The following FER1L6 variants were observed in gnomAD, a reference collection of about 807,000 sequenced individuals.
FER1L6 encodes fer-1 like family member 6.
Under a neutral mutation model 219.2 loss-of-function variants are expected in FER1L6, and 177 were observed. The observed-to-expected ratio is 0.81, with a 90% CI of 0.71 to 0.91. The LOEUF (loss-of-function observed/expected upper bound fraction) is 0.91. Ranked by LOEUF, FER1L6 falls within the 40% of genes least tolerant of loss-of-function variation. The pLI is 0.00. For missense variants in FER1L6, 2,153 were observed against 2,259.9 expected (o/e 0.95, Z 0.96); for synonymous variants, 768 against 824.3 (o/e 0.93, Z 1.17).
chr8:124,092,421 T>C (rs192280492), intron 34 of FER1L6, among the ~76,000 whole-genome samples: 72 of 152,276 alleles, frequency 4.7e-4, no homozygotes, highest in Admixed American at 1.8e-3. Flanking sequence ...GCATAAATAA[T>C]TGAACATAAC....
chr8:123,956,320 C>A (rs1464605585), intron 2 of FER1L6, among the ~76,000 whole-genome samples: 1 of 152,250 alleles, frequency 6.6e-6, no homozygotes. Flanking sequence ...CAGCAGGGTT[C>A]AAACTCTGTT....
intron 39 of FER1L6, among the ~76,000 whole-genome samples, chr8:124,117,988 C>A (rs1823319834): frequency 6.6e-6 from 1 of 152,174 alleles, no homozygotes; most frequent in South Asian, 2.1e-4. Flanking sequence ...TCCCTCCTAT[C>A]ACCTTGAATT....
chr8:124,114,206 A>G (rs1230741268), intron 39 of FER1L6, among the ~76,000 whole-genome samples: 1 of 152,108 alleles, frequency 6.6e-6, no homozygotes, highest in Non-Finnish European at 1.5e-5. Flanking sequence ...TTGGAAATAA[A>G]TCAGTCACCC....
chr8:124,062,801 G>T (rs1820647220), intron 25 of FER1L6, among the ~76,000 whole-genome samples: 1 of 152,038 alleles, frequency 6.6e-6, no homozygotes, highest in African/African-American at 2.4e-5. Context: ...AGATGACTAG[G>T]TCCCAGTAAA....
chr8:123,996,521 A>G (rs1249397735), intron 12 of FER1L6, among the ~76,000 whole-genome samples: 1 of 152,038 alleles, frequency 6.6e-6, no homozygotes, highest in African/African-American at 2.4e-5. Flanking sequence ...ATGTGTATTT[A>G]TAAGTGAAGT....
chr8:124,029,569 T>C (rs2130677264), intron 18 of FER1L6, among the ~76,000 whole-genome samples: 1 of 152,352 alleles, frequency 6.6e-6, no homozygotes, highest in South Asian at 2.1e-4. Context: ...ATGTCTTCTT[T>C]TGAGAAGTGT....
At chr8:123,930,273 A>G (rs1332201849) in intron 1 of FER1L6, among the ~76,000 whole-genome samples, 2 of 152,212 alleles carry the variant, frequency 1.3e-5, no homozygotes, top group African/African-American at 4.8e-5. Flanking sequence ...AAGATACAGA[A>G]TAGCTCCATT....
At chr8:123,953,554 C>A (rs780665021) in intron 1 of FER1L6, among the ~76,000 whole-genome samples, 1 of 152,174 alleles carries the variant, frequency 6.6e-6, no homozygotes, top group African/African-American at 2.4e-5. Flanking sequence ...CCCATGACAG[C>A]GTCTTCAGCC....
Position 123,958,337 on chromosome 8 carries a change from G to A in FER1L6, c.76+2263G>A, listed in dbSNP as rs78613291. 8.6e-3 allele frequency among the ~76,000 whole-genome samples: 1,308 copies of A among 152,294 alleles called. 15 individuals are homozygous for A. The highest frequency in any genetic ancestry group is 0.028 in the African/African-American group (1,155 of 41,568). ...GCATGGCCGAGGTCTCTTACCCTCT[G>A]CCTTTGGGCTGGCTCTGGCCAATGG... On this transcript the variant is annotated intron_variant, in intron 2 of 40. Coordinates refer to ENST00000522917, the MANE Select transcript of FER1L6 (RefSeq NM_001039112.2).
At chr8:123,898,780 CGT>C (rs1563677558) in intron 1 of FER1L6, among the ~76,000 whole-genome samples, 4 of 98,314 alleles carry the variant, frequency 4.1e-5, no homozygotes, top group African/African-American at 1.1e-4. Context: ...TGTATATATA[CGT>C]ATGTACATAT....
At chr8:124,048,851 G>T (rs1320090823) in intron 21 of FER1L6, among the ~76,000 whole-genome samples, 1 of 152,226 alleles carries the variant, frequency 6.6e-6, no homozygotes. Context: ...CAAAGCTCGT[G>T]CTCCCAACCA....
intron 12 of FER1L6, among the ~76,000 whole-genome samples, chr8:123,987,089 G>A (rs1816621039): frequency 6.6e-6 from 1 of 152,174 alleles, no homozygotes; most frequent in Non-Finnish European, 1.5e-5. Context: ...CTGAGGAACT[G>A]TCAAACTGTT....
At chr8:123,929,741 G>A (rs1285560540) in intron 1 of FER1L6, among the ~76,000 whole-genome samples, 1 of 152,174 alleles carries the variant, frequency 6.6e-6, no homozygotes, top group Admixed American at 6.5e-5. Flanking sequence ...TGAGGGGTCA[G>A]TACTACCAAA....
At chr8:124,092,273 T>A (rs1822068995) in intron 34 of FER1L6, among the ~76,000 whole-genome samples, 2 of 152,176 alleles carry the variant, frequency 1.3e-5, no homozygotes, top group African/African-American at 2.4e-5. Flanking sequence ...ATTGTATTCT[T>A]TTTTTTGTAG....
chr8:123,980,709 T>C lies in FER1L6; in HGVS notation c.1308T>C (p.Gly436=). The change falls in exon 11 of 41, where the codon GGT becomes GGC. Residue 436 remains glycine, a synonymous_variant. Coordinates refer to ENST00000522917, the MANE Select transcript of FER1L6 (RefSeq NM_001039112.2). ...ACAAAGACTCCAAATCTTCCAAAGG[T>C]AAAGACAAGGCTGACAAAACTGAAG... ...SKDKDSKSSK[G]KDKADKTEDG... 6.2e-7 allele frequency: 1 copy of C among 1,614,024 alleles called. No individual in the cohort carries two copies. The highest frequency in any genetic ancestry group is 8.5e-7 in the Non-Finnish European group (1 of 1,179,976).
chr8:124,058,568 T>C (rs1212221062), intron 22 of FER1L6, among the ~76,000 whole-genome samples: 1 of 152,232 alleles, frequency 6.6e-6, no homozygotes, highest in African/African-American at 2.4e-5. Flanking sequence ...TGTTGAGCTC[T>C]TAACAGCATT....
intron 1 of FER1L6, among the ~76,000 whole-genome samples, chr8:123,885,334 C>A (rs1043645820): frequency 1.3e-5 from 2 of 152,194 alleles, no homozygotes; most frequent in Non-Finnish European, 1.5e-5. Context: ...CCTTCTGGGG[C>A]ATTTCTGGTC....
At position 123,901,640 on chromosome 8, in the gene FER1L6, G is replaced by A. The variant is rs537835475; in HGVS notation, c.-8+49455G>A. On this transcript the variant is annotated intron_variant, in intron 1 of 40. Transcript: ENST00000522917. ...AGTCTTTTTGATGTAGGTGTGTAGG[G>A]CCATGAACTTTCCTCTTAGCACCGC... Among the ~76,000 whole-genome samples the A allele has an allele frequency of 4.6e-5, 7 of 151,990 alleles. No homozygotes were observed. The South Asian group carries it at 1.5e-3, about 32-fold the overall frequency.
In FER1L6 at chr8:123,917,273, G is replaced by A. The variant is rs1563684341; in HGVS notation, c.-7-38719G>A. On this transcript the variant is annotated intron_variant, in intron 1 of 40. Coordinates refer to ENST00000522917, the MANE Select transcript of FER1L6 (RefSeq NM_001039112.2). ...CACACATTTAGGAGATTCAATTTGG[G>A]GAACTTACCATAAATCTAATTTTTA... 2.6e-5 allele frequency among the ~76,000 whole-genome samples: 4 copies of A among 152,308 alleles called. No individual in the cohort carries two copies. The South Asian group carries it at 8.3e-4, about 32-fold the overall frequency.
Sources: gnomAD v4.1 joint callset for allele counts (sites outside exome capture counted in the v4.1 genomes callset) on GRCh38, gnomAD v4.1.1 for gene constraint, MANE v1.5 for transcripts, NCBI Gene and HGNC (gene_info 2026-07-23, HGNC 2026-07-21) for gene names.